MED24: variants seen among roughly 807,000 people sequenced by gnomAD.
MED24 encodes mediator of RNA polymerase II transcription subunit 24.
A neutral mutation model predicts 118.8 loss-of-function variants in MED24; 74 were observed. The ratio of observed to expected loss-of-function variants is 0.62; its 90% confidence interval spans 0.52 to 0.76. The LOEUF is 0.76. Among genes scored for constraint, MED24 ranks in the 30% least tolerant of loss-of-function variants. The pLI is 0.00. For synonymous variants in MED24, 521 were observed against 523.9 expected, an observed-to-expected ratio of 0.99 and a Z score of 0.08; for missense variants, 1,041 against 1,278.9, an observed-to-expected ratio of 0.81 and a Z score of 2.84.
rs755252685 is a variant in MED24, at chr17:40,036,119, A to G, written c.249T>C (p.Ser83=). 2.5e-6 allele frequency: 4 copies of G among 1,612,192 alleles called. No homozygotes were observed. In the Admixed American group the frequency reaches 6.7e-5, roughly 27 times the overall value. ...VSYSSVLTAI[S]KFDDFSRDLC... is the part of the protein sequence containing the mutation. ...TCCTGAGTGTCTATGGTCATACCTT[A>G]CTGATGGCTGTGAGGACAGAAGAGT... is the stretch of plus-strand genomic sequence containing the variant. Residue 83 remains serine (S), a synonymous_variant, in exon 4 of 26, where the codon AGT becomes AGC. Transcript: ENST00000394128.
chr17:40,022,405 C>G lies in MED24; in HGVS notation c.2512G>C (p.Glu838Gln), dbSNP rs919939546. 5.6e-6 allele frequency: 9 copies of G among 1,609,066 alleles called. No homozygotes were observed. In the Admixed American group the frequency reaches 1.0e-4, roughly 18 times the overall value. ...ASTRQKKRHR[E>Q]DIEDYISLFP... ...GCTGGGGGGCCTACCTCAATGTCTT[C>G]GCGGTGTCTCTTCTTCTGGCGGGTG... The change falls in exon 22 of 26, where the codon GAA becomes CAA. Residue 838 changes from glutamate to glutamine, a missense_variant. Around this residue, in one of 3 missense-constraint regions of MED24, gnomAD observed 587 missense variants for 694.4 expected, o/e 0.85. Transcript: ENST00000394128.
intron 3 of MED24, among the ~76,000 whole-genome samples, chr17:40,040,007 T>C (rs1183670010): frequency 6.6e-6 from 1 of 151,266 alleles, no homozygotes; most frequent in African/African-American, 2.4e-5. Flanking sequence ...ATGGTCACGA[T>C]CTCCTGACCT....
rs1344044864 is a variant in MED24 at position 40,033,104 on chromosome 17, G to A, written c.774C>T (p.Gly258=). The part of the protein sequence containing the change: ...ILLEGTMNLT[G]ETQSLVEQLT... ...GCTGCTCCACCAGGGACTGCGTCTC[G>A]CCTGTCAGGTTCATGGTGCCCTCGA... is the stretch of plus-strand genomic sequence containing the variant. The change falls in exon 8 of 26, where the codon GGC becomes GGT. Residue 258 remains glycine, a synonymous_variant. Transcript: ENST00000394128. The surrounding 1 kb of genome is among the most constrained non-coding windows in gnomAD (Gnocchi z 5.2). The A allele has an allele frequency of 1.9e-5, 30 of 1,613,968 alleles. No homozygotes were observed. Among genetic ancestry groups the A allele is most frequent in the East Asian group, 4.5e-5 (2 of 44,888 alleles).
intron 12 of MED24, among the ~76,000 whole-genome samples, chr17:40,030,441 G>A (rs996317790): frequency 6.6e-6 from 1 of 151,584 alleles, no homozygotes; most frequent in African/African-American, 2.4e-5. Flanking sequence ...AATTACAGGT[G>A]CATACCATCG....
chr17:40,050,342 G>A (rs1350197961), intron 3 of MED24, among the ~76,000 whole-genome samples: 3 of 151,466 alleles, frequency 2.0e-5, no homozygotes, highest in Admixed American at 6.6e-5. Context: ...CCAGCTACTC[G>A]GGAGACAGGC....
chr17:40,028,802 G>A (rs113615087), intron 14 of MED24, 24 bp downstream of exon 14: 15 of 1,612,614 alleles, frequency 9.3e-6, no homozygotes, highest in Non-Finnish European at 1.3e-5. Flanking sequence ...CACGCCCTGG[G>A]GTCAGGGGCT....
intron 3 of MED24, among the ~76,000 whole-genome samples, chr17:40,046,874 A>T (rs546808165): frequency 1.3e-5 from 2 of 152,142 alleles, no homozygotes; most frequent in Non-Finnish European, 2.9e-5. Context: ...TGGGCAACAA[A>T]GGGAGACCCC....
intron 25 of MED24, 29 bp downstream of exon 25, chr17:40,019,756 A>C (rs780113705): frequency 6.2e-7 from 1 of 1,609,048 alleles, no homozygotes; most frequent in Non-Finnish European, 8.5e-7. Flanking sequence ...CCCCAGCACC[A>C]GCAGGAGAGC....
Position 40,026,750 on chromosome 17 carries a change from C to A in MED24, c.1710-4G>T, listed in dbSNP as rs749833557. ...GGCCTCATGCCACTTCATCTGCCTGCGGGTGTGCAGAGAAGTCAGCACAGG... is the reference window on the plus strand; with the variant it reads ...GGCCTCATGCCACTTCATCTGCCTGAGGGTGTGCAGAGAAGTCAGCACAGG... On this transcript the variant is annotated splice_region_variant and splice_polypyrimidine_tract_variant and intron_variant, in intron 17 of 25. Transcript: ENST00000394128. 1.9e-6 allele frequency: 3 copies of A among 1,610,828 alleles called. No homozygotes were observed. The highest frequency in any genetic ancestry group is 1.7e-5 in the Admixed American group (1 of 59,440).
chr17:40,020,220 G>A, intron 24 of MED24, 53 bp downstream of exon 24: 1 of 1,437,700 alleles, frequency 7.0e-7, no homozygotes, highest in Non-Finnish European at 9.3e-7. Flanking sequence ...TCCATGAGAA[G>A]AGAGACTCGT....
intron 16 of MED24, 46 bp from the exon 17 acceptor site, chr17:40,027,080 C>A (rs768642769): frequency 1.3e-6 from 2 of 1,597,504 alleles, no homozygotes; most frequent in Non-Finnish European, 1.7e-6. Context: ...GAGGGCGCGG[C>A]GCCTGCCAGC....
At chr17:40,022,943 G>C (rs1260807734) in intron 20 of MED24, 117 bp from the exon 21 acceptor site, 56 of 1,364,414 alleles carry the variant, frequency 4.1e-5, no homozygotes, top group Non-Finnish European at 5.5e-5. Flanking sequence ...CCCAGATGTT[G>C]CTCCGCCCCT....
intron 19 of MED24, 125 bp from the exon 20 acceptor site, chr17:40,023,520 C>T (rs1982289208): frequency 2.0e-6 from 2 of 985,566 alleles, no homozygotes; most frequent in South Asian, 1.6e-5. Flanking sequence ...AGGCATTAAC[C>T]CAGTTTTGCG....
intron 3 of MED24, among the ~76,000 whole-genome samples, chr17:40,046,023 C>G (rs1221092794): frequency 1.3e-5 from 2 of 151,490 alleles, no homozygotes; most frequent in South Asian, 4.2e-4. Flanking sequence ...ATGATCCACC[C>G]GCCTCGGCCT....
chr17:40,051,488 C>T (rs568363736), intron 3 of MED24, among the ~76,000 whole-genome samples: 68 of 152,108 alleles, frequency 4.5e-4, no homozygotes, highest in South Asian at 3.5e-3. Flanking sequence ...GTGGCACACG[C>T]CTGTAGTCCC....
rs1983594776 is a variant in MED24 at position 40,033,291 on chromosome 17, C to G, written c.671+54G>C. The G allele has an allele frequency of 1.2e-6, 2 of 1,611,656 alleles. No homozygotes were observed. The highest frequency in any genetic ancestry group is 1.7e-6 in the Non-Finnish European group (2 of 1,179,148). On this transcript the variant is annotated intron_variant, in intron 7 of 25. Transcript: ENST00000394128. The surrounding 1 kb of genome is among the most constrained non-coding windows in gnomAD (Gnocchi z 5.2). ...ATGGCACGGGTGCCACATCTTCCTA[C>G]CCCAGGGCGTGTCCTCCCTCTCCCT...
In MED24 at chr17:40,019,879, TG is replaced by T; in HGVS notation, c.2758del (p.His920ThrfsTer37). 6.3e-7 allele frequency: 1 copy of T among 1,584,742 alleles called. No individual in the cohort carries two copies. The highest frequency in any genetic ancestry group is 1.8e-5 in the Admixed American group (1 of 54,976). On this transcript the variant is annotated frameshift_variant, in exon 25 of 26. Transcript: ENST00000394128. LOFTEE classifies it high-confidence loss of function. ...SILGSRTAGPHTQFVQWFMEE... is the reference protein window; with the variant it reads ...SILGSRTAGPXTQFVQWFMEE... ...CATGAACCACTGCACGAACTGGGTG[TG>T]GGGGCCAGCGGTGCGAGACCCCAGG...
At chr17:40,031,487 A>G (rs1303029921) in intron 11 of MED24, 51 bp downstream of exon 11, 1 of 1,530,188 alleles carries the variant, frequency 6.5e-7, no homozygotes, top group Admixed American at 1.7e-5. Context: ...GATCAGGGGA[A>G]GAGCCCAGAA....
chr17:40,052,269 G>T (rs1342689796), intron 3 of MED24, among the ~76,000 whole-genome samples: 1 of 152,162 alleles, frequency 6.6e-6, no homozygotes, highest in South Asian at 2.1e-4. Flanking sequence ...CTCCAGCCTG[G>T]GCGATAGAGC....
Sources: gnomAD v4.1 joint callset for allele counts (sites outside exome capture counted in the v4.1 genomes callset) on GRCh38, gnomAD v4.1.1 for gene constraint, gnomAD v4.1.1 regional missense constraint, Gnocchi (gnomAD v3.1) non-coding constraint, MANE v1.5 for transcripts, NCBI Gene and HGNC (gene_info 2026-07-23, HGNC 2026-07-21) for gene names.